PPP1R14C: variants seen among roughly 807,000 people sequenced by gnomAD.
PPP1R14C encodes the protein protein phosphatase 1 regulatory subunit 14C.
In PPP1R14C, 16 loss-of-function variants were observed where a neutral mutation model predicts 20.4. The ratio of observed to expected loss-of-function variants is 0.78; its 90% CI spans 0.53 to 1.19. The LOEUF (loss-of-function observed/expected upper bound fraction) is 1.19, where lower values mean the gene tolerates loss of function less well. PPP1R14C is among the 50% of genes most tolerant of loss of function. The pLI is 0.00. For missense variants in PPP1R14C, 211 were observed against 220.1 expected, an observed-to-expected ratio of 0.96 and a Z score of 0.26; for synonymous variants, 91 against 91.0, an observed-to-expected ratio of 1.00 and a Z score of 0.00.
intron 1 of PPP1R14C, among the ~76,000 whole-genome samples, chr6:150,163,393 A>AAAC (rs749973972): frequency 6.6e-6 from 1 of 152,160 alleles, no homozygotes. Flanking sequence ...TCCGTCTCAA[A>AAAC]AACAACAACA....
At chr6:150,148,331 C>A (rs1777201924) in intron 1 of PPP1R14C, among the ~76,000 whole-genome samples, 1 of 152,164 alleles carries the variant, frequency 6.6e-6, no homozygotes, top group South Asian at 2.1e-4. Flanking sequence ...TGGGATGTGA[C>A]AGAACAAGGC....
intron 3 of PPP1R14C, among the ~76,000 whole-genome samples, chr6:150,237,230 G>A (rs1284041262): frequency 6.6e-6 from 1 of 152,096 alleles, no homozygotes; most frequent in Non-Finnish European, 1.5e-5. Flanking sequence ...TTGAAACGGA[G>A]TGTTGCTCTG....
chr6:150,182,165 C>CT (rs1202142645), intron 1 of PPP1R14C, among the ~76,000 whole-genome samples: 1 of 152,150 alleles, frequency 6.6e-6, no homozygotes, highest in Admixed American at 6.5e-5. Context: ...AGCAGAACAG[C>CT]TTTAGTCTGT....
chr6:150,227,351 C>T (rs765310993), intron 3 of PPP1R14C, among the ~76,000 whole-genome samples: 2 of 152,140 alleles, frequency 1.3e-5, no homozygotes, highest in Non-Finnish European at 1.5e-5. Context: ...TTAAAGCAAC[C>T]TCTTGGAAGG....
intron 3 of PPP1R14C, among the ~76,000 whole-genome samples, chr6:150,247,905 T>C (rs1162886755): frequency 6.6e-6 from 1 of 152,204 alleles, no homozygotes; most frequent in Non-Finnish European, 1.5e-5. Flanking sequence ...CAATTTTCTG[T>C]TGCTGTAAGA....
intron 3 of PPP1R14C, among the ~76,000 whole-genome samples, chr6:150,236,037 A>G (rs1778355567): frequency 6.6e-6 from 1 of 152,138 alleles, no homozygotes; most frequent in South Asian, 2.1e-4. Flanking sequence ...AAGACTTCTC[A>G]CCCCAGGCAG....
chr6:150,248,801 C>G lies in PPP1R14C; in HGVS notation c.479C>G (p.Pro160Arg). Reference protein sequence around the residue: ...RIRGMRKLSPPQKKSV With the variant: ...RIRGMRKLSPRQKKSV ...AGAGGCATGAGGAAACTGAGCCCTCCGCAGAAGAAGAGTGTATGATTCTGG... is the reference window on the plus strand; with the variant it reads ...AGAGGCATGAGGAAACTGAGCCCTCGGCAGAAGAAGAGTGTATGATTCTGG... The change falls in exon 4 of 4, where the codon CCG becomes CGG. Residue 160 changes from proline to arginine, a missense_variant. Transcript: ENST00000361131. 3.7e-6 allele frequency: 6 copies of G among 1,612,222 alleles called. No homozygotes were observed. Among genetic ancestry groups the G allele is most frequent in the Non-Finnish European group, 5.1e-6 (6 of 1,178,438 alleles).
chr6:150,152,871 C>T (rs759694714), intron 1 of PPP1R14C, among the ~76,000 whole-genome samples: 76 of 152,248 alleles, frequency 5.0e-4, no homozygotes, highest in Non-Finnish European at 4.4e-4. Flanking sequence ...TAGGTTGAAA[C>T]GCTAGTCCCC....
intron 3 of PPP1R14C, among the ~76,000 whole-genome samples, chr6:150,223,971 T>A (rs889318266): frequency 2.0e-5 from 3 of 152,234 alleles, no homozygotes; most frequent in African/African-American, 7.2e-5. Context: ...TTTGGGAGAT[T>A]TATAGTTTTG....
intron 1 of PPP1R14C, among the ~76,000 whole-genome samples, chr6:150,158,033 G>A (rs1211433037): frequency 1.3e-5 from 2 of 152,206 alleles, no homozygotes; most frequent in Non-Finnish European, 2.9e-5. Flanking sequence ...CTAGAAGGAT[G>A]AGCAGGCTGC....
At chr6:150,171,091 G>A (rs1777494115) in intron 1 of PPP1R14C, among the ~76,000 whole-genome samples, 2 of 151,966 alleles carry the variant, frequency 1.3e-5, no homozygotes, top group Admixed American at 6.6e-5. Context: ...ATGAACCTAC[G>A]TTGACACACC....
intron 1 of PPP1R14C, among the ~76,000 whole-genome samples, chr6:150,175,668 T>C (rs1017933551): frequency 2.1e-4 from 32 of 152,170 alleles, no homozygotes; most frequent in Non-Finnish European, 7.3e-5. Context: ...TTACCAGAAC[T>C]GTTGCTTTGT....
At chr6:150,145,466 A>C (rs1336423591) in intron 1 of PPP1R14C, among the ~76,000 whole-genome samples, 1 of 152,240 alleles carries the variant, frequency 6.6e-6, no homozygotes, top group Non-Finnish European at 1.5e-5. Flanking sequence ...AGAAATAATT[A>C]GGTTGTTGGC....
chr6:150,144,930 G>A (rs79452216), intron 1 of PPP1R14C, among the ~76,000 whole-genome samples: 7,003 of 152,256 alleles, frequency 0.046, 278 homozygotes, highest in Non-Finnish European at 0.067. Flanking sequence ...TGGGATTACT[G>A]TTGGATGAGT....
intron 1 of PPP1R14C, among the ~76,000 whole-genome samples, chr6:150,194,087 T>C (rs1777776112): frequency 6.6e-6 from 1 of 152,234 alleles, no homozygotes; most frequent in Non-Finnish European, 1.5e-5. Context: ...TCTCTCTTGC[T>C]GCTGCCATGA....
chr6:150,236,302 C>A (rs1179088694), intron 3 of PPP1R14C, among the ~76,000 whole-genome samples: 1 of 152,120 alleles, frequency 6.6e-6, no homozygotes, highest in African/African-American at 2.4e-5. Flanking sequence ...GAGTCCCTGA[C>A]AGATACTCAG....
chr6:150,176,628 C>T (rs995652939), intron 1 of PPP1R14C, among the ~76,000 whole-genome samples: 3 of 152,172 alleles, frequency 2.0e-5, no homozygotes, highest in Non-Finnish European at 4.4e-5. Flanking sequence ...TGTGGATTGG[C>T]GTCCCTGGTC....
At position 150,185,698 on chromosome 6, in the gene PPP1R14C, G is replaced by A. The variant is rs993953305; in HGVS notation, c.307-29046G>A. On this transcript the variant is annotated intron_variant, in intron 1 of 3. Transcript: ENST00000361131. This position sits in a 1 kb window ranked among gnomAD's most constrained non-coding sequence, Gnocchi z 4.1. ...CAAATCAGCTCTGTGTGTCGGTGAG[G>A]ATAGGCGAGGCTATGTTACACTCAG... Among the ~76,000 whole-genome samples, 3 of 152,068 alleles carry A rather than the reference G, an allele frequency of 2.0e-5. No homozygotes were observed. Among genetic ancestry groups the A allele is most frequent in the Non-Finnish European group, 2.9e-5 (2 of 68,014 alleles).
chr6:150,198,182 C>T (rs1316150398), intron 1 of PPP1R14C, among the ~76,000 whole-genome samples: 2 of 147,492 alleles, frequency 1.4e-5, no homozygotes, highest in African/African-American at 5.1e-5. Context: ...CCTGGATGCC[C>T]GGCTTTGTGT....
Sources: gnomAD v4.1 joint callset for allele counts (sites outside exome capture counted in the v4.1 genomes callset) on GRCh38, gnomAD v4.1.1 for gene constraint, Gnocchi (gnomAD v3.1) non-coding constraint, MANE v1.5 for transcripts, NCBI Gene and HGNC (gene_info 2026-07-23, HGNC 2026-07-21) for gene names.